The following FBXL17 variants were observed in gnomAD, a reference collection of about 807,000 sequenced individuals.
The protein encoded by FBXL17 is F-box/LRR-repeat protein 17.
FBXL17 carries 22 observed loss-of-function variants against 66.2 expected under a neutral mutation model. The ratio of observed to expected loss-of-function variants is 0.33; its 90% CI spans 0.24 to 0.47. FBXL17 has a LOEUF of 0.47. Among genes scored for constraint, FBXL17 ranks in the 20% least tolerant of loss-of-function variants. FBXL17 has a pLI of 1.00. For synonymous variants in FBXL17, 474 were observed against 400.5 expected, an observed-to-expected ratio of 1.18 and a Z score of -2.19; for missense variants, 878 against 948.2, an observed-to-expected ratio of 0.93 and a Z score of 0.97.
chr5:108,310,288 T>C (rs1184189232), intron 4 of FBXL17, among the ~76,000 whole-genome samples: 1 of 152,182 alleles, frequency 6.6e-6, no homozygotes, highest in African/African-American at 2.4e-5. Flanking sequence ...TATCATACTA[T>C]CCACATATCC....
At chr5:107,988,657 G>A (rs969842935) in intron 7 of FBXL17, among the ~76,000 whole-genome samples, 1 of 152,096 alleles carries the variant, frequency 6.6e-6, no homozygotes, top group South Asian at 2.1e-4. Context: ...TTGGATGATA[G>A]TTTTTAAATG....
chr5:107,962,922 C>T (rs1751975945), intron 7 of FBXL17, among the ~76,000 whole-genome samples: 1 of 151,906 alleles, frequency 6.6e-6, no homozygotes, highest in East Asian at 1.9e-4. Flanking sequence ...ATGCATACCA[C>T]CCAAATCTAA....
intron 7 of FBXL17, among the ~76,000 whole-genome samples, chr5:107,963,541 T>G (rs1168718722): frequency 6.6e-6 from 1 of 152,158 alleles, no homozygotes; most frequent in Non-Finnish European, 1.5e-5. Flanking sequence ...GAGTTGTGTT[T>G]CTTAATGGCT....
chr5:107,893,163 A>ATCTT (rs1436999735), intron 7 of FBXL17, among the ~76,000 whole-genome samples: 4 of 152,130 alleles, frequency 2.6e-5, no homozygotes, highest in African/African-American at 9.7e-5. Context: ...AAAGCACAAG[A>ATCTT]GGAAGTAACA....
chr5:108,350,428 G>C (rs1477440533), intron 3 of FBXL17, among the ~76,000 whole-genome samples: 1 of 152,148 alleles, frequency 6.6e-6, no homozygotes, highest in Non-Finnish European at 1.5e-5. Context: ...AGTGAAAACG[G>C]AGGAATTCAA....
At chr5:107,946,523 CCTCCAA>C (rs1444397341) in intron 7 of FBXL17, among the ~76,000 whole-genome samples, 2 of 150,030 alleles carry the variant, frequency 1.3e-5, no homozygotes, top group African/African-American at 2.5e-5. Context: ...ACCAGGCTGG[CCTCCAA>C]CTCCTGGCCT....
intron 4 of FBXL17, among the ~76,000 whole-genome samples, chr5:108,314,875 C>T (rs546927564): frequency 1.3e-5 from 2 of 151,374 alleles, no homozygotes; most frequent in Admixed American, 1.3e-4. Context: ...AGACAGGTAT[C>T]ATAATACTAA....
intron 7 of FBXL17, among the ~76,000 whole-genome samples, chr5:107,892,282 TA>T (rs1355421822): frequency 6.7e-6 from 1 of 150,370 alleles, no homozygotes; most frequent in Non-Finnish European, 1.5e-5. Context: ...TATAAGCACT[TA>T]GGGGAAAAAT....
At chr5:107,938,220 G>C (rs1580729191) in intron 7 of FBXL17, among the ~76,000 whole-genome samples, 1 of 151,662 alleles carries the variant, frequency 6.6e-6, no homozygotes, top group Non-Finnish European at 1.5e-5. Context: ...CCGGATGAGT[G>C]TTAGAAATGC....
In FBXL17 at chr5:108,205,593, G is replaced by T. The variant is rs142297538; in HGVS notation, c.1614+18528C>A. Among the ~76,000 whole-genome samples, 3 of 152,234 alleles carry T rather than the reference G, an allele frequency of 2.0e-5. No homozygotes were observed. In the East Asian group the frequency reaches 5.8e-4, roughly 29 times the overall value. On this transcript the variant is annotated intron_variant, in intron 5 of 8. Coordinates refer to ENST00000542267, the MANE Select transcript of FBXL17 (RefSeq NM_001163315.3). ...TTTTCTACAATGTTTTTTCCTTAGA[G>T]AAACTGGGTCATTTGCGTTAGACAA...
intron 1 of FBXL17, among the ~76,000 whole-genome samples, chr5:108,369,450 CAT>C (rs1164439304): frequency 6.6e-6 from 1 of 152,174 alleles, no homozygotes. Flanking sequence ...ACTTATCACT[CAT>C]ATGTGGCTCA....
At chr5:108,096,041 C>T (rs1356867518) in intron 6 of FBXL17, among the ~76,000 whole-genome samples, 1 of 152,052 alleles carries the variant, frequency 6.6e-6, no homozygotes, top group Non-Finnish European at 1.5e-5. Flanking sequence ...AGTTATCTTC[C>T]TAGATATAGA....
chr5:108,023,649 G>A (rs537759187), intron 6 of FBXL17, among the ~76,000 whole-genome samples: 1 of 152,232 alleles, frequency 6.6e-6, no homozygotes, highest in East Asian at 1.9e-4. Context: ...CATAACACAA[G>A]TCTGTGAACA....
At chr5:108,281,248 A>C (rs561449778) in intron 4 of FBXL17, among the ~76,000 whole-genome samples, 1 of 152,094 alleles carries the variant, frequency 6.6e-6, no homozygotes, top group South Asian at 2.1e-4. Context: ...ATTCTCCTAG[A>C]TAGACCATAT....
intron 7 of FBXL17, among the ~76,000 whole-genome samples, chr5:107,961,475 G>A (rs1485180946): frequency 6.6e-6 from 1 of 152,048 alleles, no homozygotes; most frequent in Non-Finnish European, 1.5e-5. Context: ...CGATCTACCT[G>A]CCTGAGCTGC....
chr5:108,096,103 G>A (rs1054778311), intron 6 of FBXL17, among the ~76,000 whole-genome samples: 8 of 152,004 alleles, frequency 5.3e-5, no homozygotes, highest in Non-Finnish European at 1.2e-4. Context: ...TAAAGCTAAG[G>A]AGTCCAAAAA....
chr5:108,307,811 T>C (rs942516980), intron 4 of FBXL17, among the ~76,000 whole-genome samples: 31 of 150,038 alleles, frequency 2.1e-4, no homozygotes, highest in African/African-American at 7.2e-4. Flanking sequence ...AAAGAAAAAA[T>C]TGCTTTTTTT....
intron 7 of FBXL17, among the ~76,000 whole-genome samples, chr5:107,928,655 G>A (rs1246787833): frequency 6.6e-6 from 1 of 152,038 alleles, no homozygotes; most frequent in Non-Finnish European, 1.5e-5. Context: ...TGGGGGGAAG[G>A]AGAGAGCTTG....
At chr5:108,042,263 G>C (rs1028030442) in intron 6 of FBXL17, among the ~76,000 whole-genome samples, 4 of 152,144 alleles carry the variant, frequency 2.6e-5, no homozygotes, top group Non-Finnish European at 5.9e-5. Flanking sequence ...GACGTAGAGA[G>C]AGCCCATGTG....
Sources: allele counts gnomAD v4.1 joint callset (sites outside exome capture counted in the v4.1 genomes callset), GRCh38; gene constraint gnomAD v4.1.1; transcripts MANE v1.5; gene names NCBI Gene and HGNC (gene_info 2026-07-23, HGNC 2026-07-21).